ACBD6: variants seen among roughly 807,000 people sequenced by gnomAD.
ACBD6 encodes acyl-CoA-binding domain-containing protein 6.
A neutral mutation model predicts 37.2 loss-of-function variants in ACBD6; 28 were observed. The ratio of observed to expected loss-of-function variants is 0.75; its 90% CI spans 0.56 to 1.03. The LOEUF (loss-of-function observed/expected upper bound fraction) is 1.03, where lower values mean the gene tolerates loss of function less well. Ranked by LOEUF, ACBD6 falls within the 50% of genes least tolerant of loss-of-function variation. ACBD6 has a pLI of 0.00. For synonymous variants in ACBD6, 113 were observed against 126.8 expected (o/e 0.89, Z 0.73); for missense variants, 340 against 337.4 (o/e 1.01, Z -0.06).
At chr1:180,272,009 G>A (rs746219526) in intron 13 of ACBD6, 6 of 1,611,578 alleles carry the variant, frequency 3.7e-6, no homozygotes, top group South Asian at 1.1e-5. Flanking sequence ...CTTCCGAGGT[G>A]AGCAGGGCTG....
intron 6 of ACBD6, among the ~76,000 whole-genome samples, chr1:180,396,283 TA>T (rs1286356091): frequency 6.6e-6 from 1 of 152,172 alleles, no homozygotes; most frequent in Non-Finnish European, 1.5e-5. Context: ...TTAAAATTGT[TA>T]AAATGGTAAA....
At chr1:180,422,830 C>T (rs1276878813) in intron 4 of ACBD6, among the ~76,000 whole-genome samples, 2 of 152,212 alleles carry the variant, frequency 1.3e-5, no homozygotes, top group Non-Finnish European at 1.5e-5. Flanking sequence ...TGATTAGCGT[C>T]TTGGCATTTT....
Position 180,338,674 on chromosome 1 carries a change from A to T in ACBD6, c.664-23952T>A, listed in dbSNP as rs538099181. On this transcript the variant is annotated intron_variant, in intron 6 of 7. Transcript: ENST00000367595. ...AATGGCAACAAAAGCCAAAATTGACAAATGGGATCTAATTAAAAACTAAAG... is the reference window on the plus strand; with the variant it reads ...AATGGCAACAAAAGCCAAAATTGACTAATGGGATCTAATTAAAAACTAAAG... Among the ~76,000 whole-genome samples, 4 of 152,356 alleles carry T rather than the reference A, an allele frequency of 2.6e-5. No homozygotes were observed. The East Asian group carries it at 7.7e-4, about 29-fold the overall frequency.
intron 3 of ACBD6, among the ~76,000 whole-genome samples, chr1:180,473,698 G>T (rs1010089850): frequency 6.6e-6 from 1 of 152,060 alleles, no homozygotes; most frequent in East Asian, 1.9e-4. Flanking sequence ...CAATTTTGCT[G>T]TTTTTCAGCT....
At chr1:180,355,110 G>T (rs924272543) in intron 6 of ACBD6, among the ~76,000 whole-genome samples, 2 of 152,172 alleles carry the variant, frequency 1.3e-5, no homozygotes, top group African/African-American at 4.8e-5. Context: ...TACCGCACTA[G>T]GCAATTTTTA....
At chr1:180,435,620 G>A in intron 3 of ACBD6, 1 of 1,072,934 alleles carries the variant, frequency 9.3e-7, no homozygotes, top group Non-Finnish European at 1.4e-6. Flanking sequence ...CAAGACTTAT[G>A]AATTCCAGCT....
At chr1:180,420,998 T>C (rs1322787800) in intron 4 of ACBD6, among the ~76,000 whole-genome samples, 1 of 152,142 alleles carries the variant, frequency 6.6e-6, no homozygotes, top group African/African-American at 2.4e-5. Context: ...TGCAAATAGA[T>C]ATCCTCTCTC....
chr1:180,432,691 A>G (rs1162926415), intron 3 of ACBD6, among the ~76,000 whole-genome samples: 1 of 152,178 alleles, frequency 6.6e-6, no homozygotes, highest in Non-Finnish European at 1.5e-5. Flanking sequence ...AGAAAAAAGA[A>G]GAGTCAAATA....
chr1:180,459,250 G>A (rs569516860), intron 3 of ACBD6, among the ~76,000 whole-genome samples: 2 of 152,176 alleles, frequency 1.3e-5, no homozygotes, highest in Admixed American at 1.3e-4. Flanking sequence ...TTGAAACCAT[G>A]GTCAGTAATT....
At chr1:180,435,168 T>C in intron 3 of ACBD6, 1 of 692,930 alleles carries the variant, frequency 1.4e-6, no homozygotes, top group Non-Finnish European at 2.7e-6. Flanking sequence ...TAACCTGGGC[T>C]GCGACACGGA....
intron 6 of ACBD6, among the ~76,000 whole-genome samples, chr1:180,363,598 G>T (rs1652924946): frequency 2.6e-5 from 4 of 152,162 alleles, no homozygotes; most frequent in Non-Finnish European, 5.9e-5. Context: ...GTCCTTGGGA[G>T]GGAGGACTGA....
At chr1:180,326,134 G>T (rs1467741738) in intron 6 of ACBD6, among the ~76,000 whole-genome samples, 1 of 152,202 alleles carries the variant, frequency 6.6e-6, no homozygotes, top group Non-Finnish European at 1.5e-5. Flanking sequence ...CAGGCCCTGG[G>T]TGGGTCCAGA....
chr1:180,290,136 G>A (rs1649642341), intron 7 of ACBD6, among the ~76,000 whole-genome samples: 1 of 151,914 alleles, frequency 6.6e-6, no homozygotes, highest in Non-Finnish European at 1.5e-5. Flanking sequence ...CACAGTGTGT[G>A]GGTTTTTGTT....
At chr1:180,294,549 T>TATAATAATA (rs79651267) in intron 7 of ACBD6, among the ~76,000 whole-genome samples, 3 of 151,444 alleles carry the variant, frequency 2.0e-5, no homozygotes, top group Admixed American at 1.3e-4. Context: ...TAAAAAAATA[T>TATAATAATA]ATAATAATAA....
chr1:180,393,257 A>G (rs1654140613), intron 6 of ACBD6, among the ~76,000 whole-genome samples: 1 of 152,264 alleles, frequency 6.6e-6, no homozygotes, highest in African/African-American at 2.4e-5. Flanking sequence ...TTTCTTAGAA[A>G]TAAAATTTCA....
intron 6 of ACBD6, among the ~76,000 whole-genome samples, chr1:180,323,198 T>C (rs539485114): frequency 6.6e-6 from 1 of 152,192 alleles, no homozygotes; most frequent in South Asian, 2.1e-4. Flanking sequence ...GTATCTCTGA[T>C]GAATATTGAT....
intron 6 of ACBD6, among the ~76,000 whole-genome samples, chr1:180,382,049 A>G (rs926667813): frequency 6.6e-6 from 1 of 150,572 alleles, no homozygotes; most frequent in African/African-American, 2.4e-5. Flanking sequence ...CAAGAGGCAG[A>G]GGTTGCAGTG....
chr1:180,421,819 G>A (rs767336157), intron 4 of ACBD6, among the ~76,000 whole-genome samples: 40 of 152,034 alleles, frequency 2.6e-4, no homozygotes, highest in Middle Eastern at 3.4e-3. Flanking sequence ...ATCTTCTTTT[G>A]AAAAGTGTCT....
intron 5 of ACBD6, among the ~76,000 whole-genome samples, chr1:180,411,370 T>G (rs775997449): frequency 3.9e-4 from 59 of 152,322 alleles, no homozygotes; most frequent in South Asian, 8.3e-4. Flanking sequence ...CAGCATTGCA[T>G]GTACAGAGTA....
Sources: gnomAD v4.1 joint callset for allele counts (sites outside exome capture counted in the v4.1 genomes callset) on GRCh38, gnomAD v4.1.1 for gene constraint, MANE v1.5 for transcripts, NCBI Gene and HGNC (gene_info 2026-07-23, HGNC 2026-07-21) for gene names.